DLGAP2: variants seen among roughly 807,000 people sequenced by gnomAD.
DLGAP2 encodes the protein disks large-associated protein 2.
In DLGAP2, 26 loss-of-function variants were observed where a neutral mutation model predicts 100.3. The ratio of observed to expected loss-of-function variants is 0.26; its 90% confidence interval spans 0.19 to 0.36. The LOEUF is 0.36. DLGAP2 is among the 10% of genes least tolerant of loss of function. The probability of loss-of-function intolerance (pLI) is 1.00; values close to 1 mark genes in which losing one functional copy is unlikely to be tolerated. For missense variants in DLGAP2, 1,858 were observed against 1,453.2 expected, an observed-to-expected ratio of 1.28 and a Z score of -4.53; for synonymous variants, 886 against 630.1, an observed-to-expected ratio of 1.41 and a Z score of -6.08.
intron 3 of DLGAP2, among the ~76,000 whole-genome samples, chr8:1,445,731 C>T (rs1463409001): frequency 6.6e-6 from 1 of 152,178 alleles, no homozygotes; most frequent in Non-Finnish European, 1.5e-5. Flanking sequence ...TCCTATTTCT[C>T]CACATCCTCT....
chr8:1,490,262 G>A (rs1799341991), intron 3 of DLGAP2, among the ~76,000 whole-genome samples: 1 of 152,164 alleles, frequency 6.6e-6, no homozygotes, highest in Non-Finnish European at 1.5e-5. Context: ...CCCAGAACAA[G>A]TGTCAGCAAT....
intron 3 of DLGAP2, among the ~76,000 whole-genome samples, chr8:1,429,055 G>A (rs59303084): frequency 0.025 from 3,784 of 152,316 alleles, 130 homozygotes; most frequent in African/African-American, 0.086. Flanking sequence ...TGCAAGCAGT[G>A]TAGCACTTCT....
At chr8:1,195,539 T>G (rs926975425) in intron 2 of DLGAP2, among the ~76,000 whole-genome samples, 2 of 152,254 alleles carry the variant, frequency 1.3e-5, no homozygotes, top group Non-Finnish European at 2.9e-5. Flanking sequence ...CCTATCCAAT[T>G]ACTTGGTACC....
At position 1,548,741 on chromosome 8, in the gene DLGAP2, G is replaced by A; in HGVS notation, c.288G>A (p.Gly96=). 6.2e-7 allele frequency: 1 copy of A among 1,606,034 alleles called. No individual in the cohort carries two copies. ...GSRTQPPLCS[G]HTCGLAPPED... ...GGACCCAGCCGCCGCTGTGTTCCGG[G>A]CACACGTGTGGTCTGGCGCCCCCGG... is the stretch of plus-strand genomic sequence containing the variant. The change falls in exon 5 of 15, where the codon GGG becomes GGA. Residue 96 remains glycine, a synonymous_variant. Transcript: ENST00000637795.
intron 2 of DLGAP2, among the ~76,000 whole-genome samples, chr8:1,187,743 G>C: frequency 7.0e-6 from 1 of 143,420 alleles, no homozygotes; most frequent in Non-Finnish European, 1.5e-5. Context: ...CGAGACTTCC[G>C]TGACGTTTCC....
chr8:1,190,540 G>A (rs551870785), intron 2 of DLGAP2, among the ~76,000 whole-genome samples: 3 of 152,134 alleles, frequency 2.0e-5, no homozygotes, highest in African/African-American at 4.8e-5. Flanking sequence ...GCCTCTGGCC[G>A]CCCCGTCCTT....
At chr8:1,552,884 C>G (rs1271113067) in intron 5 of DLGAP2, among the ~76,000 whole-genome samples, 1 of 152,194 alleles carries the variant, frequency 6.6e-6, no homozygotes, top group Non-Finnish European at 1.5e-5. Context: ...AAAGGCAATT[C>G]AGGCCTCACG....
At chr8:1,285,520 C>G (rs1411407449) in intron 3 of DLGAP2, among the ~76,000 whole-genome samples, 1 of 152,116 alleles carries the variant, frequency 6.6e-6, no homozygotes, top group Non-Finnish European at 1.5e-5. Flanking sequence ...TATCTGGTAT[C>G]TGGGGCTGTG....
chr8:1,694,067 C>T (rs1263065675), intron 13 of DLGAP2, among the ~76,000 whole-genome samples: 3 of 152,240 alleles, frequency 2.0e-5, no homozygotes, highest in African/African-American at 7.2e-5. Context: ...CCTTTCTGCT[C>T]TGCCAGAAAT....
At chr8:964,101 A>C (rs1799789892) in intron 2 of DLGAP2, among the ~76,000 whole-genome samples, 1 of 152,346 alleles carries the variant, frequency 6.6e-6, no homozygotes, top group African/African-American at 2.4e-5. Flanking sequence ...TTCAAGTCTT[A>C]TGTAAAATAA....
In DLGAP2 at chr8:1,546,867, G is replaced by A. The variant is rs533524275; in HGVS notation, c.173-1759G>A. The stretch of plus-strand genomic sequence containing the variant: ...CAGGCAGGAATTCGTTCCGGGATCC[G>A]AGGCATGGAGGTGGTCCAGGAGAGG... On this transcript the variant is annotated intron_variant, in intron 4 of 14. Coordinates refer to ENST00000637795, the MANE Select transcript of DLGAP2 (RefSeq NM_001346810.2). 5.3e-5 allele frequency among the ~76,000 whole-genome samples: 8 copies of A among 152,276 alleles called. No homozygotes were observed. The South Asian group carries it at 1.2e-3, about 24-fold the overall frequency.
At chr8:1,296,121 T>C (rs1325991192) in intron 3 of DLGAP2, 1 of 152,068 alleles carries the variant, frequency 6.6e-6, no homozygotes, top group East Asian at 1.9e-4. Flanking sequence ...TTCAGAAGGG[T>C]GCTTTGCAGG....
intron 2 of DLGAP2, among the ~76,000 whole-genome samples, chr8:924,777 G>A (rs1284118704): frequency 6.6e-6 from 1 of 151,808 alleles, no homozygotes; most frequent in Non-Finnish European, 1.5e-5. Context: ...AGATACATGG[G>A]GTTTCTCTGT....
chr8:1,490,941 G>A (rs2130281363), intron 3 of DLGAP2, among the ~76,000 whole-genome samples: 1 of 150,132 alleles, frequency 6.7e-6, no homozygotes, highest in East Asian at 1.9e-4. Flanking sequence ...GAGTTAATGG[G>A]TGCAGCACAC....
chr8:748,958 G>A (rs570440947), intron 1 of DLGAP2, among the ~76,000 whole-genome samples: 30 of 152,324 alleles, frequency 2.0e-4, no homozygotes, highest in African/African-American at 6.7e-4. Flanking sequence ...TCTGTATCTG[G>A]TGGTATAACG....
At chr8:1,202,294 A>G (rs1563250484) in intron 2 of DLGAP2, among the ~76,000 whole-genome samples, 2 of 93,092 alleles carry the variant, frequency 2.1e-5, no homozygotes, top group East Asian at 3.9e-4. Flanking sequence ...TGTATGTAGT[A>G]TATGTGTGTG....
At chr8:1,186,878 G>A (rs1015383903) in intron 2 of DLGAP2, among the ~76,000 whole-genome samples, 1 of 152,096 alleles carries the variant, frequency 6.6e-6, no homozygotes, top group South Asian at 2.1e-4. Context: ...CCCCACGTCT[G>A]CCCTACCGCA....
intron 2 of DLGAP2, among the ~76,000 whole-genome samples, chr8:1,118,241 A>G (rs555108378): frequency 2.0e-5 from 3 of 152,300 alleles, no homozygotes; most frequent in African/African-American, 7.2e-5. Context: ...TGTAAGTAGG[A>G]TGTGAGCTCG....
chr8:1,578,635 C>T (rs1361664610), intron 6 of DLGAP2, among the ~76,000 whole-genome samples: 2 of 152,172 alleles, frequency 1.3e-5, no homozygotes, highest in Admixed American at 6.5e-5. Context: ...TATCTTCCTG[C>T]TGTAAAACTG....
Sources: gnomAD v4.1 joint callset for allele counts (sites outside exome capture counted in the v4.1 genomes callset) on GRCh38, gnomAD v4.1.1 for gene constraint, MANE v1.5 for transcripts, NCBI Gene and HGNC (gene_info 2026-07-23, HGNC 2026-07-21) for gene names.